Variants in FAM13A observed in about 807,000 individuals in gnomAD.
FAM13A encodes family with sequence similarity 13 member A, also known as protein FAM13A.
Under a neutral mutation model 129.6 loss-of-function variants are expected in FAM13A, and 76 were observed. That is an observed-to-expected ratio of 0.59 (90% CI 0.49 to 0.71). The LOEUF is 0.71. Ranked by LOEUF, FAM13A falls within the 30% of genes least tolerant of loss-of-function variation. The pLI is 0.00. For synonymous variants in FAM13A, 443 were observed against 449.9 expected (o/e 0.98, Z 0.20); for missense variants, 1,108 against 1,249.3 (o/e 0.89, Z 1.70).
At chr4:88,985,631 G>A (rs1397691252) in intron 4 of FAM13A, among the ~76,000 whole-genome samples, 2 of 152,172 alleles carry the variant, frequency 1.3e-5, no homozygotes, top group South Asian at 2.1e-4. Context: ...CTCTGTGGAG[G>A]GGAATTAGGG....
intron 3 of FAM13A, among the ~76,000 whole-genome samples, chr4:89,018,034 G>A (rs1171026234): frequency 6.6e-6 from 1 of 152,046 alleles, no homozygotes; most frequent in Non-Finnish European, 1.5e-5. Context: ...AAATGAAGTA[G>A]CTAAGATTAC....
chr4:88,870,888 A>C (rs2150075424), intron 6 of FAM13A, among the ~76,000 whole-genome samples: 1 of 152,314 alleles, frequency 6.6e-6, no homozygotes, highest in East Asian at 1.9e-4. Flanking sequence ...CTGACACCTC[A>C]TACCAGCCAG....
At chr4:88,759,197 T>C in intron 13 of FAM13A, 1 of 294,996 alleles carries the variant, frequency 3.4e-6, no homozygotes, top group Non-Finnish European at 6.5e-6. Context: ...GAAAGGAGTT[T>C]GGTGTTTTCT....
intron 1 of FAM13A, among the ~76,000 whole-genome samples, chr4:89,054,454 C>A (rs1339061057): frequency 6.6e-6 from 1 of 152,006 alleles, no homozygotes; most frequent in African/African-American, 2.4e-5. Flanking sequence ...AAGCTATACC[C>A]CAAAATATGG....
At chr4:88,949,515 T>A (rs911604506) in intron 4 of FAM13A, among the ~76,000 whole-genome samples, 7 of 152,222 alleles carry the variant, frequency 4.6e-5, no homozygotes, top group African/African-American at 1.7e-4. Flanking sequence ...TTTTAAAAGA[T>A]GCAAAAGTTT....
rs1033629417 is a variant in FAM13A at position 89,029,580 on chromosome 4, T to C, written c.97A>G (p.Lys33Glu). ...AATAACTTCTGATAGGTAAAATCCT[T>C]CTGTTCATTTAATGGCACTGCCACT... is the stretch of plus-strand genomic sequence containing the variant. ...KIVAVPLNEQ[K>E]DFTYQKLFGV... Residue 33 changes from lysine (K) to glutamate (E), a missense_variant, in exon 2 of 24, where the codon AAG becomes GAG. By Grantham distance (56) the Lys-to-Glu change is moderately conservative (BLOSUM62 1). Transcript: ENST00000264344. 6.3e-7 allele frequency: 1 copy of C among 1,591,204 alleles called. No individual in the cohort carries two copies.
intron 11 of FAM13A, among the ~76,000 whole-genome samples, chr4:88,777,875 C>T (rs908338954): frequency 3.3e-5 from 5 of 152,186 alleles, no homozygotes; most frequent in Non-Finnish European, 5.9e-5. Context: ...TGGTTGAACT[C>T]GCAGTCTTTT....
chr4:89,035,289 G>A (rs1041372927), intron 1 of FAM13A, among the ~76,000 whole-genome samples: 6 of 152,142 alleles, frequency 3.9e-5, no homozygotes, highest in Middle Eastern at 3.4e-3. Flanking sequence ...TCAGCATCAC[G>A]TAATATACCC....
chr4:88,906,817 C>T (rs1288919702), intron 5 of FAM13A, among the ~76,000 whole-genome samples: 2 of 152,192 alleles, frequency 1.3e-5, no homozygotes, highest in African/African-American at 2.4e-5. Context: ...AAAATATCAA[C>T]CAACAAACTT....
chr4:88,960,696 A>G (rs946382646), intron 4 of FAM13A, among the ~76,000 whole-genome samples: 14 of 152,048 alleles, frequency 9.2e-5, no homozygotes, highest in African/African-American at 3.4e-4. Flanking sequence ...TTTTTAAACT[A>G]CAACCCAAAT....
At chr4:88,782,156 C>A (rs1024104793) in intron 10 of FAM13A, among the ~76,000 whole-genome samples, 1 of 152,004 alleles carries the variant, frequency 6.6e-6, no homozygotes, top group Non-Finnish European at 1.5e-5. Context: ...CAAGTACAGA[C>A]CTCTTTCATG....
intron 8 of FAM13A, among the ~76,000 whole-genome samples, chr4:88,798,094 A>T (rs1217930774): frequency 1.3e-5 from 2 of 152,216 alleles, no homozygotes; most frequent in African/African-American, 4.8e-5. Flanking sequence ...CTTGGCTGTG[A>T]GCAGATGCCT....
chr4:88,800,747 A>C (rs1727292362), intron 8 of FAM13A, among the ~76,000 whole-genome samples: 1 of 151,816 alleles, frequency 6.6e-6, no homozygotes, highest in Non-Finnish European at 1.5e-5. Context: ...TATAATAAAA[A>C]GGAAAACAAA....
chr4:88,856,209 G>A (rs867866797), intron 6 of FAM13A, among the ~76,000 whole-genome samples: 6 of 152,048 alleles, frequency 3.9e-5, no homozygotes. Flanking sequence ...ACCGGGCATG[G>A]TGGCTCACAC....
At chr4:88,731,886 C>A in intron 22 of FAM13A, 116 bp downstream of exon 22, 1 of 821,774 alleles carries the variant, frequency 1.2e-6, no homozygotes, top group Non-Finnish European at 1.9e-6. Context: ...TCCAGATACA[C>A]CCCAGGTAGT....
chr4:88,990,964 C>T lies in FAM13A; in HGVS notation c.605+9G>A. The T allele has an allele frequency of 6.2e-7, 1 of 1,609,538 alleles. No individual in the cohort carries two copies. The highest frequency in any genetic ancestry group is 1.7e-5 in the Admixed American group (1 of 59,994). ...TGATGATATTAACAGTAAAACTCCA[C>T]TAACTTACTGAAAGCAATTTGGCCC... On this transcript the variant is annotated intron_variant, in intron 4 of 23. Transcript: ENST00000264344.
intron 1 of FAM13A, among the ~76,000 whole-genome samples, chr4:89,050,221 T>C (rs1347260483): frequency 1.3e-5 from 2 of 152,108 alleles, no homozygotes; most frequent in Non-Finnish European, 2.9e-5. Context: ...TTTTTTTCTT[T>C]TTTTGAGGCA....
intron 6 of FAM13A, among the ~76,000 whole-genome samples, chr4:88,870,891 C>G (rs1296378278): frequency 6.6e-6 from 1 of 152,152 alleles, no homozygotes; most frequent in Non-Finnish European, 1.5e-5. Context: ...ACACCTCATA[C>G]CAGCCAGGTG....
chr4:88,900,357 AG>A (rs1395213460), intron 6 of FAM13A, among the ~76,000 whole-genome samples: 1 of 152,058 alleles, frequency 6.6e-6, no homozygotes, highest in Admixed American at 6.6e-5. Flanking sequence ...AGATCCTCCA[AG>A]GGCAAAATGA....
Sources: allele counts gnomAD v4.1 joint callset (sites outside exome capture counted in the v4.1 genomes callset), GRCh38; gene constraint gnomAD v4.1.1; transcripts MANE v1.5; gene names NCBI Gene and HGNC (gene_info 2026-07-23, HGNC 2026-07-21).